Variants in NHLRC2 observed in about 807,000 individuals in gnomAD.
NHLRC2 encodes the protein NHL repeat containing 2.
NHLRC2 carries 33 observed loss-of-function variants against 68.1 expected under a neutral mutation model. The observed-to-expected ratio is 0.48, with a 90% CI of 0.37 to 0.65. The LOEUF (loss-of-function observed/expected upper bound fraction) is 0.65, where lower values mean the gene tolerates loss of function less well. Ranked by LOEUF, NHLRC2 falls within the 30% of genes least tolerant of loss-of-function variation. The pLI is 0.00. For synonymous variants in NHLRC2, 311 were observed against 309.6 expected, an observed-to-expected ratio of 1.00 and a Z score of -0.05; for missense variants, 761 against 853.8, an observed-to-expected ratio of 0.89 and a Z score of 1.35.
chr10:113,870,419 T>C (rs1448272743), intron 2 of NHLRC2, among the ~76,000 whole-genome samples: 4 of 152,206 alleles, frequency 2.6e-5, no homozygotes, highest in African/African-American at 9.6e-5. Context: ...ACACTCGCTT[T>C]TTTCATGTAA....
chr10:113,870,471 CT>C (rs1328345657), intron 2 of NHLRC2, among the ~76,000 whole-genome samples: 6 of 152,202 alleles, frequency 3.9e-5, no homozygotes, highest in South Asian at 2.1e-4. Context: ...TCATAGAGAA[CT>C]TCTTGACTTT....
intron 2 of NHLRC2, among the ~76,000 whole-genome samples, chr10:113,871,015 CTTTTTTTTTT>C (rs1169108158): frequency 3.3e-3 from 220 of 65,764 alleles, no homozygotes; most frequent in Non-Finnish European, 4.5e-3. Flanking sequence ...CTTCCTGCAT[CTTTTTTTTTT>C]TTTTTTTTTT....
intron 5 of NHLRC2, among the ~76,000 whole-genome samples, chr10:113,891,544 A>G (rs1016577892): frequency 1.4e-4 from 22 of 152,198 alleles, no homozygotes; most frequent in African/African-American, 5.1e-4. Context: ...TGCTATGTCA[A>G]TGCACCACAT....
At chr10:113,902,647 A>G in intron 8 of NHLRC2, 54 bp downstream of exon 8, 1 of 1,513,170 alleles carries the variant, frequency 6.6e-7, no homozygotes, top group East Asian at 2.3e-5. Context: ...GGCATTTAAA[A>G]TGCTGAAAGA....
chr10:113,857,353 ATAAT>A (rs1246234090), intron 1 of NHLRC2, among the ~76,000 whole-genome samples: 4 of 152,172 alleles, frequency 2.6e-5, no homozygotes, highest in African/African-American at 9.6e-5. Context: ...GATCTGGTAT[ATAAT>A]TAATATTTTA....
rs1564861990 is a variant in NHLRC2, at chr10:113,915,634, TC to T, written c.*7101del. Reference sequence around the variant, plus strand: ...CAATTAAAATAGTTTTTTTTTCCCTTCCCATTTTTTTGTTTTTAAGAGATAG... The same window carrying T: ...CAATTAAAATAGTTTTTTTTTCCCTTCCATTTTTTTGTTTTTAAGAGATAG... On this transcript the variant is annotated 3_prime_UTR_variant, in exon 11 of 11. Coordinates refer to ENST00000369301, the MANE Select transcript of NHLRC2 (RefSeq NM_198514.4). 8.5e-6 allele frequency: 2 copies of T among 233,936 alleles called. No individual in the cohort carries two copies. Among genetic ancestry groups the T allele is most frequent in the Non-Finnish European group, 1.7e-5 (2 of 119,274 alleles). 14.5% of individuals were successfully genotyped at this position (233,936 alleles called of 1,614,324 possible).
chr10:113,878,119 G>A (rs1249642205), intron 3 of NHLRC2, among the ~76,000 whole-genome samples: 1 of 152,002 alleles, frequency 6.6e-6, no homozygotes, highest in Non-Finnish European at 1.5e-5. Flanking sequence ...GAATTCTTTG[G>A]TCAGATACAC....
chr10:113,896,993 C>CAAAAA (rs1166918337), intron 5 of NHLRC2, among the ~76,000 whole-genome samples: 1 of 73,326 alleles, frequency 1.4e-5, no homozygotes, highest in Non-Finnish European at 2.9e-5. Context: ...GACTCCGCCT[C>CAAAAA]AAAAAAAAAA....
At chr10:113,863,443 C>T (rs1169252097) in intron 2 of NHLRC2, among the ~76,000 whole-genome samples, 2 of 151,912 alleles carry the variant, frequency 1.3e-5, no homozygotes, top group African/African-American at 4.8e-5. Context: ...TGTAACAAAA[C>T]TTATGGCACA....
chr10:113,880,927 G>C (rs761013501), intron 4 of NHLRC2, among the ~76,000 whole-genome samples: 8 of 151,834 alleles, frequency 5.3e-5, no homozygotes, highest in Admixed American at 2.0e-4. Flanking sequence ...CTTTCTTCCA[G>C]ACTTAAATAT....
Position 113,901,855 on chromosome 10 carries a change from T to G in NHLRC2, c.1329T>G (p.Asp443Glu). ...CAGTGAGAACCGTTTCACTGAAAGATGGAGCAGTGAAGCACCTCGTAGGAG... is the reference window on the plus strand; with the variant it reads ...CAGTGAGAACCGTTTCACTGAAAGAGGGAGCAGTGAAGCACCTCGTAGGAG... ...SSTVRTVSLKDGAVKHLVGGE... is the reference protein window; with the variant it reads ...SSTVRTVSLKEGAVKHLVGGE... Residue 443 changes from aspartate to glutamate, a missense_variant, in exon 7 of 11, where the codon GAT becomes GAG. Transcript: ENST00000369301. 1 of 1,614,102 alleles carries G rather than the reference T, an allele frequency of 6.2e-7. No homozygotes were observed.
At position 113,898,296 on chromosome 10, in the gene NHLRC2, C is replaced by A. The variant is rs372672754; in HGVS notation, c.1139+87C>A. 2.1e-3 allele frequency: 1,731 copies of A among 815,014 alleles called. 3 individuals are homozygous for A. Among genetic ancestry groups the A allele is most frequent in the Non-Finnish European group, 3.0e-3 (1,478 of 486,942 alleles). The allele number at this position is 815,014 out of a possible 1,614,324, so 50.5% of individuals were successfully genotyped here. A position where few individuals can be genotyped will look rare whatever the true frequency, so the allele number is the denominator to read the frequency against. On this transcript the variant is annotated intron_variant, in intron 6 of 10. Coordinates refer to ENST00000369301, the MANE Select transcript of NHLRC2 (RefSeq NM_198514.4). ...TTCAAAATCACCATCCTCACTGTAC[C>A]AGTCAGGATGTGCTAGGTTGTACTG...
rs183489936 is a variant in NHLRC2 at position 113,908,857 on chromosome 10, T to C, written c.*321T>C. On this transcript the variant is annotated 3_prime_UTR_variant, in exon 11 of 11. Transcript: ENST00000369301. The stretch of plus-strand genomic sequence containing the variant: ...CTATAAGATAATTTGCAATAAATAC[T>C]GATAATAATAATACCAGATATTTTA... 12 of 221,670 alleles carry C rather than the reference T, an allele frequency of 5.4e-5. No homozygotes were observed. Among genetic ancestry groups the C allele is most frequent in the African/African-American group, 1.8e-4 (8 of 44,088 alleles). The allele number at this position is 221,670 out of a possible 1,614,324, so 13.7% of individuals were successfully genotyped here.
At position 113,912,220 on chromosome 10, in the gene NHLRC2, TTG is replaced by T. The variant is rs571207679; in HGVS notation, c.*3690_*3691del. ...TACCTGCCTCATATTCAATGAAATA[TTG>T]TGTGTACAGCACTTAGTAATTAATG... is the stretch of plus-strand genomic sequence containing the variant. On this transcript the variant is annotated 3_prime_UTR_variant, in exon 11 of 11. Coordinates refer to ENST00000369301, the MANE Select transcript of NHLRC2 (RefSeq NM_198514.4). The T allele has an allele frequency of 2.7e-3, 411 of 152,310 alleles. 2 individuals carry two copies. Among genetic ancestry groups the T allele is most frequent in the African/African-American group, 9.6e-3 (400 of 41,570 alleles). The allele number at this position is 152,310 out of a possible 1,614,324, so 9.4% of individuals were successfully genotyped here. A position where few individuals can be genotyped will look rare whatever the true frequency, so the allele number is the denominator to read the frequency against.
chr10:113,891,057 C>G (rs527823363), intron 5 of NHLRC2, among the ~76,000 whole-genome samples: 5 of 152,194 alleles, frequency 3.3e-5, no homozygotes, highest in Admixed American at 6.5e-5. Context: ...CACTTTCCAC[C>G]AGGTCCCTCC....
At chr10:113,869,028 G>A (rs1320201147) in intron 2 of NHLRC2, among the ~76,000 whole-genome samples, 1 of 152,174 alleles carries the variant, frequency 6.6e-6, no homozygotes, top group African/African-American at 2.4e-5. Flanking sequence ...AGCCAATGAA[G>A]GATTTTCTGC....
At chr10:113,862,746 C>T (rs1845828987) in intron 2 of NHLRC2, among the ~76,000 whole-genome samples, 1 of 152,132 alleles carries the variant, frequency 6.6e-6, no homozygotes, top group Non-Finnish European at 1.5e-5. Flanking sequence ...ATATTGTATG[C>T]AAATTGTAAC....
intron 2 of NHLRC2, among the ~76,000 whole-genome samples, chr10:113,859,016 G>C (rs1043493203): frequency 6.6e-6 from 1 of 152,082 alleles, no homozygotes; most frequent in African/African-American, 2.4e-5. Flanking sequence ...TAAAATATCT[G>C]ACCTTAATTT....
In NHLRC2 at chr10:113,885,861, A is replaced by G. The variant is rs58103397; in HGVS notation, c.1039+1481A>G. Among the ~76,000 whole-genome samples, 889 of 152,124 alleles carry G rather than the reference A, an allele frequency of 5.8e-3. 8 individuals carry two copies. The highest frequency in any genetic ancestry group is 0.019 in the African/African-American group (807 of 41,582). On this transcript the variant is annotated intron_variant, in intron 5 of 10. Coordinates refer to ENST00000369301, the MANE Select transcript of NHLRC2 (RefSeq NM_198514.4). ...AAAGTAAGAAGAATGATAAATGTAC[A>G]TTTTTATACTAGTGGTTCCTTATGG...
Sources: allele counts gnomAD v4.1 joint callset (sites outside exome capture counted in the v4.1 genomes callset), GRCh38; gene constraint gnomAD v4.1.1; transcripts MANE v1.5; gene names NCBI Gene and HGNC (gene_info 2026-07-23, HGNC 2026-07-21).